ATP8A2: variants seen among roughly 807,000 people sequenced by gnomAD.
ATP8A2 encodes ATPase phospholipid transporting 8A2.
A neutral mutation model predicts 165.6 loss-of-function variants in ATP8A2; 100 were observed. The ratio of observed to expected loss-of-function variants is 0.60; its 90% CI spans 0.51 to 0.71. The LOEUF (loss-of-function observed/expected upper bound fraction) is 0.71, where lower values mean the gene tolerates loss of function less well. Ranked by LOEUF, ATP8A2 falls within the 30% of genes least tolerant of loss-of-function variation. The probability of loss-of-function intolerance (pLI) is 0.00; values close to 1 mark genes in which losing one functional copy is unlikely to be tolerated. For missense variants in ATP8A2, 1,227 were observed against 1,479.5 expected, an observed-to-expected ratio of 0.83 and a Z score of 2.80; for synonymous variants, 543 against 548.8, an observed-to-expected ratio of 0.99 and a Z score of 0.15.
intron 18 of ATP8A2, 164 bp downstream of exon 18, chr13:25,571,856 T>A: frequency 1.4e-6 from 1 of 708,784 alleles, no homozygotes; most frequent in Non-Finnish European, 2.6e-6. Flanking sequence ...CTTGTTCGAG[T>A]TGTTTTGCAT....
At chr13:25,906,706 C>T (rs542583511) in intron 33 of ATP8A2, among the ~76,000 whole-genome samples, 1 of 152,242 alleles carries the variant, frequency 6.6e-6, no homozygotes, top group South Asian at 2.1e-4. Flanking sequence ...GAATGAGAGC[C>T]TTCAGATGGG....
chr13:25,942,610 G>A lies in ATP8A2; in HGVS notation c.3184-18965G>A, dbSNP rs1032318709. Among the ~76,000 whole-genome samples, 41 of 152,292 alleles carry A rather than the reference G, an allele frequency of 2.7e-4. 1 individual carries two copies. Among genetic ancestry groups the A allele is most frequent in the East Asian group, 5.8e-4 (3 of 5,166 alleles). ...GCTAATTTTTTGTGTTTTAAGTACA[G>A]ATGGGGTTTCACCATGTTGGCCAGG... On this transcript the variant is annotated intron_variant, in intron 33 of 36. Coordinates refer to ENST00000381655, the MANE Select transcript of ATP8A2 (RefSeq NM_016529.6).
chr13:25,543,222 G>C, intron 9 of ATP8A2, 69 bp from the exon 10 acceptor site: 1 of 991,624 alleles, frequency 1.0e-6, no homozygotes, highest in Non-Finnish European at 1.6e-6. Flanking sequence ...GTGGGTTCAT[G>C]TTTAAGGGAA....
At chr13:25,829,063 T>G (rs919295355) in intron 28 of ATP8A2, among the ~76,000 whole-genome samples, 1 of 152,178 alleles carries the variant, frequency 6.6e-6, no homozygotes, top group East Asian at 1.9e-4. Context: ...GGCTAGATAT[T>G]TAAGTCTTCC....
intron 23 of ATP8A2, among the ~76,000 whole-genome samples, chr13:25,582,351 A>G (rs1026751681): frequency 2.0e-5 from 3 of 152,198 alleles, no homozygotes; most frequent in African/African-American, 7.2e-5. Flanking sequence ...GGGCTTTTCT[A>G]AGAGCCTTGC....
intron 25 of ATP8A2, among the ~76,000 whole-genome samples, chr13:25,704,775 T>C (rs2043021786): frequency 6.6e-6 from 1 of 152,242 alleles, no homozygotes; most frequent in African/African-American, 2.4e-5. Context: ...CATTTAGTTT[T>C]ATAAATAAGG....
At chr13:25,407,239 G>A (rs940002485) in intron 1 of ATP8A2, among the ~76,000 whole-genome samples, 3 of 152,186 alleles carry the variant, frequency 2.0e-5, no homozygotes, top group Admixed American at 1.3e-4. Flanking sequence ...GTGCAGTTTG[G>A]GGGAGGCAAG....
At chr13:25,930,075 A>T (rs1193848790) in intron 33 of ATP8A2, among the ~76,000 whole-genome samples, 1 of 152,080 alleles carries the variant, frequency 6.6e-6, no homozygotes, top group African/African-American at 2.4e-5. Context: ...CTCATGGGTC[A>T]TGAGGGTCTT....
intron 27 of ATP8A2, among the ~76,000 whole-genome samples, chr13:25,791,810 T>TG (rs1484249990): frequency 6.6e-6 from 1 of 152,214 alleles, no homozygotes; most frequent in East Asian, 1.9e-4. Flanking sequence ...GATCCGAAGA[T>TG]GGAAAATACA....
At chr13:26,009,855 C>T in intron 35 of ATP8A2, among the ~76,000 whole-genome samples, 1 of 152,160 alleles carries the variant, frequency 6.6e-6, no homozygotes, top group South Asian at 2.1e-4. Flanking sequence ...CACCTGAGGT[C>T]AGGAGTTCAA....
At chr13:25,633,795 G>T (rs116643834) in intron 24 of ATP8A2, among the ~76,000 whole-genome samples, 5,256 of 152,160 alleles carry the variant, frequency 0.035, 157 homozygotes, top group East Asian at 0.13. Flanking sequence ...GGGCAACATG[G>T]TGAAACCTTG....
At chr13:25,940,593 C>T (rs1404422578) in intron 33 of ATP8A2, among the ~76,000 whole-genome samples, 3 of 152,218 alleles carry the variant, frequency 2.0e-5, no homozygotes, top group Non-Finnish European at 4.4e-5. Context: ...GTCCCACTGA[C>T]GAGGACTTCA....
At chr13:25,965,765 T>C (rs974762015) in intron 34 of ATP8A2, among the ~76,000 whole-genome samples, 4 of 152,198 alleles carry the variant, frequency 2.6e-5, no homozygotes, top group African/African-American at 9.7e-5. Flanking sequence ...ATCTCCTGTA[T>C]TTTACTGTAC....
intron 1 of ATP8A2, among the ~76,000 whole-genome samples, chr13:25,455,555 G>T (rs573621695): frequency 6.6e-6 from 1 of 152,252 alleles, no homozygotes; most frequent in African/African-American, 2.4e-5. Context: ...ATTTCATTTC[G>T]TAGCTCATTG....
At chr13:25,431,584 C>T (rs117716692) in intron 1 of ATP8A2, among the ~76,000 whole-genome samples, 4,513 of 152,230 alleles carry the variant, frequency 0.03, 108 homozygotes, top group Non-Finnish European at 0.041. Flanking sequence ...TTGAGATTAT[C>T]CAATTCTAGC....
At chr13:25,384,950 C>A (rs2032986629) in intron 1 of ATP8A2, among the ~76,000 whole-genome samples, 1 of 152,146 alleles carries the variant, frequency 6.6e-6, no homozygotes, top group South Asian at 2.1e-4. Flanking sequence ...GGGACATGCC[C>A]CGGGTTGGGC....
intron 24 of ATP8A2, among the ~76,000 whole-genome samples, chr13:25,683,424 G>A (rs1566043907): frequency 6.6e-6 from 1 of 152,170 alleles, no homozygotes; most frequent in Admixed American, 6.5e-5. Context: ...GATTTTGTGT[G>A]TAGTTTTATG....
intron 1 of ATP8A2, among the ~76,000 whole-genome samples, chr13:25,438,651 GA>G (rs568859263): frequency 2.9e-4 from 43 of 145,802 alleles, no homozygotes; most frequent in Non-Finnish European, 4.7e-4. Context: ...CAAAAGAAAA[GA>G]AAAAAAAAGA....
At chr13:25,691,081 A>T (rs1274793849) in intron 24 of ATP8A2, among the ~76,000 whole-genome samples, 1 of 152,238 alleles carries the variant, frequency 6.6e-6, no homozygotes, top group Admixed American at 6.5e-5. Context: ...GGCTAGGTGA[A>T]TAGGCCAAAC....
Sources: gnomAD v4.1 joint callset for allele counts (sites outside exome capture counted in the v4.1 genomes callset) on GRCh38, gnomAD v4.1.1 for gene constraint, MANE v1.5 for transcripts, NCBI Gene and HGNC (gene_info 2026-07-23, HGNC 2026-07-21) for gene names.